The following L2HGDH variants were observed in gnomAD, a reference collection of about 807,000 sequenced individuals.
L2HGDH encodes L-2-hydroxyglutarate dehydrogenase, also known as L-2-hydroxyglutarate dehydrogenase, mitochondrial.
In L2HGDH, 34 loss-of-function variants were observed where a neutral mutation model predicts 51.5. The observed-to-expected ratio is 0.66, with a 90% CI of 0.50 to 0.88. The LOEUF (loss-of-function observed/expected upper bound fraction) is 0.88. Ranked by LOEUF, L2HGDH falls within the 40% of genes least tolerant of loss-of-function variation. The pLI is 0.00. For synonymous variants in L2HGDH, 198 were observed against 197.9 expected (o/e 1.00, Z -0.01); for missense variants, 558 against 571.9 (o/e 0.98, Z 0.25).
At chr14:50,259,991 G>A (rs955985223) in intron 9 of L2HGDH, among the ~76,000 whole-genome samples, 1 of 149,008 alleles carries the variant, frequency 6.7e-6, no homozygotes, top group Admixed American at 6.7e-5. Context: ...AAGACAGAGA[G>A]AGAGAGAGAG....
At chr14:50,279,898 C>T (rs1890169436) in intron 5 of L2HGDH, among the ~76,000 whole-genome samples, 1 of 151,104 alleles carries the variant, frequency 6.6e-6, no homozygotes. Context: ...CCATCTCTAC[C>T]AAAAATACAA....
intron 1 of L2HGDH, 122 bp from the exon 2 acceptor site, chr14:50,303,139 G>A (rs1042265031): frequency 1.4e-5 from 10 of 698,334 alleles, no homozygotes; most frequent in Admixed American, 2.1e-5. Flanking sequence ...AAACGTATTC[G>A]GCGGCCGGTC....
intron 6 of L2HGDH, among the ~76,000 whole-genome samples, chr14:50,269,623 A>G (rs147055136): frequency 2.0e-5 from 3 of 152,296 alleles, no homozygotes; most frequent in Non-Finnish European, 4.4e-5. Context: ...AAATACATAC[A>G]TACAAATACA....
chr14:50,299,741 G>A lies in L2HGDH; in HGVS notation c.408+2276C>T, dbSNP rs117130120. The A allele has an allele frequency of 8.2e-3, 1,262 of 154,386 alleles. 11 individuals are homozygous for A. Among genetic ancestry groups the A allele is most frequent in the Non-Finnish European group, 0.012 (848 of 68,228 alleles). The allele number at this position is 154,386 out of a possible 1,614,324, so 9.6% of individuals were successfully genotyped here. ...CAAAAACCATACAATCAGGCCAGGC[G>A]TGGTGGCTCACACCTGTAATCCCAA... On this transcript the variant is annotated intron_variant, in intron 3 of 9. Coordinates refer to ENST00000267436, the MANE Select transcript of L2HGDH (RefSeq NM_024884.3).
At chr14:50,292,032 T>C (rs1482784224) in intron 4 of L2HGDH, among the ~76,000 whole-genome samples, 1 of 152,176 alleles carries the variant, frequency 6.6e-6, no homozygotes, top group African/African-American at 2.4e-5. Flanking sequence ...AAAAAGTGAA[T>C]TTTAAATAAC....
chr14:50,268,283 G>T (rs1734804637), intron 7 of L2HGDH, among the ~76,000 whole-genome samples: 1 of 151,430 alleles, frequency 6.6e-6, no homozygotes, highest in African/African-American at 2.4e-5. Flanking sequence ...GGAGGCTGAG[G>T]CATGAGAATC....
intron 1 of L2HGDH, among the ~76,000 whole-genome samples, chr14:50,304,561 C>A (rs762989603): frequency 6.6e-6 from 1 of 152,180 alleles, no homozygotes; most frequent in Non-Finnish European, 1.5e-5. Context: ...TAGGGCCGGG[C>A]GTGGTGGCTC....
rs1441607091 is a variant in L2HGDH, at chr14:50,267,790, A to G, written c.1027T>C (p.Phe343Leu). Residue 343 changes from phenylalanine to leucine, a missense_variant, in exon 8 of 10, where the codon TTC becomes CTC. Phe to Leu is a conservative substitution (Grantham distance 22, BLOSUM62 0). Transcript: ENST00000267436. ...ATATCCATAACATCTGTGGCACTGA[A>G]GTCAAAGGGTCTGTAACCCTCTCGT... The part of the protein sequence containing the change: ...FKREGYRPFD[F>L]SATDVMDIII... 1 of 1,613,042 alleles carries G rather than the reference A, an allele frequency of 6.2e-7. No individual in the cohort carries two copies. Among genetic ancestry groups the G allele is most frequent in the Non-Finnish European group, 8.5e-7 (1 of 1,179,078 alleles).
intron 6 of L2HGDH, among the ~76,000 whole-genome samples, chr14:50,274,075 T>C (rs894627745): frequency 1.3e-5 from 2 of 151,440 alleles, no homozygotes; most frequent in African/African-American, 4.9e-5. Flanking sequence ...TGAAACCCCA[T>C]CTCAAAAAAT....
intron 4 of L2HGDH, among the ~76,000 whole-genome samples, chr14:50,287,625 A>G (rs1687533075): frequency 6.6e-6 from 1 of 151,032 alleles, no homozygotes; most frequent in African/African-American, 2.4e-5. Context: ...CATCAATGAA[A>G]GTTTTTTTTT....
At chr14:50,295,242 G>T (rs1595134862) in intron 3 of L2HGDH, among the ~76,000 whole-genome samples, 1 of 152,210 alleles carries the variant, frequency 6.6e-6, no homozygotes, top group Non-Finnish European at 1.5e-5. Flanking sequence ...ATGCACAGGG[G>T]CTCATGTCTA....
At chr14:50,255,990 G>A (rs1888645613) in intron 9 of L2HGDH, among the ~76,000 whole-genome samples, 2 of 151,868 alleles carry the variant, frequency 1.3e-5, no homozygotes, top group Admixed American at 6.6e-5. Flanking sequence ...GTGACAGAGT[G>A]AGACTCCGTC....
At chr14:50,249,839 C>A (rs527786119) in intron 9 of L2HGDH, among the ~76,000 whole-genome samples, 1 of 146,090 alleles carries the variant, frequency 6.8e-6, no homozygotes, top group East Asian at 2.0e-4. Context: ...TGAGGTAGAG[C>A]AACAAGCAGG....
intron 9 of L2HGDH, among the ~76,000 whole-genome samples, chr14:50,247,739 A>T (rs1443324400): frequency 6.6e-6 from 1 of 152,204 alleles, no homozygotes; most frequent in Non-Finnish European, 1.5e-5. Context: ...CACAATTAAA[A>T]TTTATGGAGA....
intron 4 of L2HGDH, 64 bp from the exon 5 acceptor site, chr14:50,284,097 C>A: frequency 1.3e-6 from 2 of 1,501,622 alleles, no homozygotes; most frequent in South Asian, 1.1e-5. Flanking sequence ...AACAAAATCT[C>A]TATAATCAAG....
intron 8 of L2HGDH, among the ~76,000 whole-genome samples, chr14:50,266,845 GT>G (rs374083889): frequency 6.6e-6 from 1 of 151,964 alleles, no homozygotes; most frequent in African/African-American, 2.4e-5. Context: ...AGAAACATTG[GT>G]AAAAGGACCA....
chr14:50,279,039 C>T (rs769580165), intron 5 of L2HGDH, among the ~76,000 whole-genome samples: 1 of 152,150 alleles, frequency 6.6e-6, no homozygotes, highest in Non-Finnish European at 1.5e-5. Flanking sequence ...AATTAGTTCC[C>T]ACTCAGATAC....
chr14:50,309,296 C>T (rs1187580516), intron 1 of L2HGDH, among the ~76,000 whole-genome samples: 2 of 152,232 alleles, frequency 1.3e-5, no homozygotes, highest in East Asian at 1.9e-4. Flanking sequence ...GGTGCAGTGG[C>T]TCATGCCTGT....
intron 4 of L2HGDH, among the ~76,000 whole-genome samples, chr14:50,286,634 A>G (rs552100603): frequency 1.3e-5 from 2 of 152,318 alleles, no homozygotes; most frequent in East Asian, 3.9e-4. Context: ...ACCAAACTAC[A>G]TGTTCTACTA....
Sources: allele counts gnomAD v4.1 joint callset (sites outside exome capture counted in the v4.1 genomes callset), GRCh38; gene constraint gnomAD v4.1.1; transcripts MANE v1.5; gene names NCBI Gene and HGNC (gene_info 2026-07-23, HGNC 2026-07-21).